ACP3: variants seen among roughly 807,000 people sequenced by gnomAD.
ACP3 encodes acid phosphatase 3.
In ACP3, 38 loss-of-function variants were observed where a neutral mutation model predicts 45.6. That is an observed-to-expected ratio of 0.83 (90% CI 0.64 to 1.09). ACP3 has a LOEUF of 1.09. Ranked by LOEUF, ACP3 falls within the 50% of genes least tolerant of loss-of-function variation. ACP3 has a pLI of 0.00. For synonymous variants in ACP3, 162 were observed against 164.7 expected (o/e 0.98, Z 0.13); for missense variants, 466 against 463.2 (o/e 1.01, Z -0.05).
At chr3:132,367,697 C>G in intron 10 of ACP3, 1 of 1,581,630 alleles carries the variant, frequency 6.3e-7, no homozygotes, top group East Asian at 2.2e-5. Context: ...TTCCTATTTT[C>G]CCACAGTTCT....
Position 132,343,018 on chromosome 3 carries a change from A to G in ACP3, c.648+374A>G, listed in dbSNP as rs530969833. On this transcript the variant is annotated intron_variant, in intron 6 of 9. Transcript: ENST00000336375. ...CAATGTTGTTATAAAGAAAGAGGGG[A>G]AAATTACCTGATTTCCGAATGTAGA... is the stretch of plus-strand genomic sequence containing the variant. 5.9e-5 allele frequency among the ~76,000 whole-genome samples: 9 copies of G among 152,328 alleles called. No individual in the cohort carries two copies. In the East Asian group the frequency reaches 1.5e-3, roughly 26 times the overall value.
rs1938158043 is a variant in ACP3 at position 132,367,945 on chromosome 3, G to T, written c.*123G>T. ...TCCTCACACCCTGCCTTTTGAATCT[G>T]CCCAGAGCAGGGTCTGAACTCACAG... is the stretch of plus-strand genomic sequence containing the variant. On this transcript the variant is annotated 3_prime_UTR_variant, in exon 11 of 11. Transcript: ENST00000351273. 9 of 757,078 alleles carry T rather than the reference G, an allele frequency of 1.2e-5. No individual in the cohort carries two copies. The South Asian group carries it at 1.3e-4, about 11-fold the overall frequency. 46.9% of individuals were successfully genotyped at this position (757,078 alleles called of 1,614,324 possible). A position where few individuals can be genotyped will look rare whatever the true frequency, so the allele number is the denominator to read the frequency against.
At chr3:132,335,983 G>A (rs150994173) in intron 4 of ACP3, among the ~76,000 whole-genome samples, 71 of 152,246 alleles carry the variant, frequency 4.7e-4, no homozygotes, top group African/African-American at 1.3e-3. Flanking sequence ...ATAATAGGCC[G>A]GGCGCGGTGG....
chr3:132,317,755 C>G (rs562941849), intron 1 of ACP3, among the ~76,000 whole-genome samples, 179 bp downstream of exon 1: 1 of 152,166 alleles, frequency 6.6e-6, no homozygotes, highest in Non-Finnish European at 1.5e-5. Flanking sequence ...CTAACGTGTC[C>G]TAACAAAAAT....
chr3:132,334,320 C>A (rs73215916), intron 4 of ACP3, among the ~76,000 whole-genome samples: 8,043 of 152,268 alleles, frequency 0.053, 278 homozygotes, highest in Middle Eastern at 0.16. Context: ...CAAAAAAATT[C>A]TCTCATATCA....
chr3:132,344,008 T>C (rs11711309), intron 6 of ACP3, among the ~76,000 whole-genome samples: 72,866 of 151,668 alleles, frequency 0.48, 18,155 homozygotes, highest in Middle Eastern at 0.66. Flanking sequence ...TGGCCAGGTG[T>C]AGTGGCTCAT....
chr3:132,341,878 G>C (rs898057707), intron 5 of ACP3, among the ~76,000 whole-genome samples: 2 of 152,164 alleles, frequency 1.3e-5, no homozygotes, highest in African/African-American at 2.4e-5. Flanking sequence ...CTTCCAAAAA[G>C]GCTTCCCAGA....
chr3:132,339,356 G>A (rs560050528), intron 5 of ACP3, among the ~76,000 whole-genome samples: 4 of 152,342 alleles, frequency 2.6e-5, no homozygotes, highest in Admixed American at 1.3e-4. Flanking sequence ...AAGGCAGCCC[G>A]TTCTGCAGTA....
At chr3:132,336,076 C>G (rs1423454282) in intron 4 of ACP3, among the ~76,000 whole-genome samples, 1 of 152,074 alleles carries the variant, frequency 6.6e-6, no homozygotes, top group Non-Finnish European at 1.5e-5. Context: ...CTGGCTAACA[C>G]AGTGAAACCC....
At chr3:132,320,823 G>T (rs964403298) in intron 1 of ACP3, among the ~76,000 whole-genome samples, 2 of 151,780 alleles carry the variant, frequency 1.3e-5, no homozygotes, top group Non-Finnish European at 2.9e-5. Flanking sequence ...GCTAGTTTTT[G>T]TATTTTTAAT....
intron 2 of ACP3, among the ~76,000 whole-genome samples, chr3:132,330,348 C>T (rs1186739525): frequency 6.6e-6 from 1 of 152,112 alleles, no homozygotes; most frequent in Non-Finnish European, 1.5e-5. Flanking sequence ...CTGTCTAGAT[C>T]AGTGGTTTTT....
chr3:132,367,622 G>A, intron 10 of ACP3: 1 of 1,108,374 alleles, frequency 9.0e-7, no homozygotes, highest in Non-Finnish European at 1.4e-6. Flanking sequence ...TGCAATTAAG[G>A]CAGAAAGCAA....
At chr3:132,338,368 T>C (rs1937519578) in intron 5 of ACP3, among the ~76,000 whole-genome samples, 1 of 152,104 alleles carries the variant, frequency 6.6e-6, no homozygotes, top group Admixed American at 6.5e-5. Flanking sequence ...CTTTTCCTTT[T>C]TTTTAACAAA....
intron 5 of ACP3, among the ~76,000 whole-genome samples, chr3:132,338,730 A>C (rs1358279905): frequency 6.6e-6 from 1 of 152,204 alleles, no homozygotes; most frequent in Non-Finnish European, 1.5e-5. Flanking sequence ...CATCTCCTCT[A>C]AAATTAGGAA....
At chr3:132,348,651 C>T (rs1158245907) in intron 7 of ACP3, among the ~76,000 whole-genome samples, 1 of 152,134 alleles carries the variant, frequency 6.6e-6, no homozygotes, top group Admixed American at 6.6e-5. Flanking sequence ...GCATGTGAAT[C>T]AAGCTAAAGT....
At chr3:132,360,185 G>T (rs936355314), downstream of ACP3, among the ~76,000 whole-genome samples, 1 of 152,074 alleles carries the variant, frequency 6.6e-6, no homozygotes, top group African/African-American at 2.4e-5. Context: ...TACAGAGAAG[G>T]CTGAAACATG....
intron 2 of ACP3, among the ~76,000 whole-genome samples, chr3:132,328,752 A>G (rs947494835): frequency 1.4e-5 from 2 of 147,654 alleles, no homozygotes; most frequent in African/African-American, 4.9e-5. Flanking sequence ...GTCTGTTTTG[A>G]TATTTTTTGC....
At chr3:132,324,889 C>T (rs1264383945) in intron 1 of ACP3, among the ~76,000 whole-genome samples, 3 of 152,176 alleles carry the variant, frequency 2.0e-5, no homozygotes, top group Admixed American at 6.5e-5. Context: ...GATCCGCCTG[C>T]CTCAGCCTCC....
At chr3:132,332,517 G>C (rs778204948) in intron 4 of ACP3, 173 bp downstream of exon 4, 3 of 800,490 alleles carry the variant, frequency 3.7e-6, no homozygotes, top group Non-Finnish European at 3.8e-6. Flanking sequence ...CTAGCTAAGA[G>C]AGAGTAGGAA....
Sources: gnomAD v4.1 joint callset for allele counts (sites outside exome capture counted in the v4.1 genomes callset) on GRCh38, gnomAD v4.1.1 for gene constraint, MANE v1.5 for transcripts, NCBI Gene and HGNC (gene_info 2026-07-23, HGNC 2026-07-21) for gene names.